Variants in SEMA3E observed in about 807,000 individuals in gnomAD.
SEMA3E encodes the protein semaphorin 3E.
A neutral mutation model predicts 93.6 loss-of-function variants in SEMA3E; 49 were observed. That is an observed-to-expected ratio of 0.52 (90% CI 0.42 to 0.66). The LOEUF (loss-of-function observed/expected upper bound fraction) is 0.66, where lower values mean the gene tolerates loss of function less well. SEMA3E is among the 30% of genes least tolerant of loss of function. The pLI is 0.00. For synonymous variants in SEMA3E, 363 were observed against 330.7 expected, an observed-to-expected ratio of 1.10 and a Z score of -1.06; for missense variants, 906 against 964.8, an observed-to-expected ratio of 0.94 and a Z score of 0.81.
intron 1 of SEMA3E, among the ~76,000 whole-genome samples, chr7:83,496,232 CAATGCA>C (rs1790489446): frequency 6.6e-6 from 1 of 151,828 alleles, no homozygotes; most frequent in Non-Finnish European, 1.5e-5. Flanking sequence ...AGCTTTGTTA[CAATGCA>C]CTGAGATTTC....
At chr7:83,398,551 C>A (rs1471924763) in intron 11 of SEMA3E, among the ~76,000 whole-genome samples, 12 of 152,154 alleles carry the variant, frequency 7.9e-5, no homozygotes, top group Admixed American at 3.9e-4. Flanking sequence ...ATATTATTAA[C>A]ATTAACTTCC....
At chr7:83,458,953 ATG>A (rs1554328012) in intron 4 of SEMA3E, among the ~76,000 whole-genome samples, 5,379 of 143,824 alleles carry the variant, frequency 0.037, 255 homozygotes, top group African/African-American at 0.11. Context: ...ACATATGTAT[ATG>A]TGTGTGTGTG....
chr7:83,490,309 G>A (rs777235089), intron 1 of SEMA3E, 35 bp from the exon 2 acceptor site: 153 of 1,601,782 alleles, frequency 9.6e-5, no homozygotes, highest in Non-Finnish European at 1.2e-4. Context: ...CTAAGCACAC[G>A]AGAAAATGTA....
At chr7:83,388,526 C>T (rs1210677368) in intron 14 of SEMA3E, among the ~76,000 whole-genome samples, 1 of 151,650 alleles carries the variant, frequency 6.6e-6, no homozygotes, top group Non-Finnish European at 1.5e-5. Context: ...GTAGAAAATA[C>T]CACTTGCTTC....
intron 4 of SEMA3E, among the ~76,000 whole-genome samples, chr7:83,447,546 A>G (rs768604520): frequency 1.2e-4 from 19 of 152,186 alleles, no homozygotes; most frequent in Non-Finnish European, 2.2e-4. Context: ...TCAAACAACA[A>G]CAACTACAAA....
chr7:83,604,801 T>C (rs994862059), intron 1 of SEMA3E, among the ~76,000 whole-genome samples: 1 of 151,984 alleles, frequency 6.6e-6, no homozygotes, highest in Non-Finnish European at 1.5e-5. Context: ...CACCCGCTGA[T>C]AGGCCCTGGT....
At chr7:83,378,951 G>A (rs1038299165) in intron 16 of SEMA3E, among the ~76,000 whole-genome samples, 1 of 151,766 alleles carries the variant, frequency 6.6e-6, no homozygotes, top group African/African-American at 2.4e-5. Flanking sequence ...CCATTCATAT[G>A]TTTATCACAG....
intron 1 of SEMA3E, among the ~76,000 whole-genome samples, chr7:83,605,384 G>A (rs2115997858): frequency 6.6e-6 from 1 of 151,072 alleles, no homozygotes; most frequent in South Asian, 2.1e-4. Flanking sequence ...AATGACCAGT[G>A]ATGCTGAGCT....
chr7:83,641,796 C>T (rs1280982327), intron 1 of SEMA3E, among the ~76,000 whole-genome samples: 1 of 152,128 alleles, frequency 6.6e-6, no homozygotes, highest in Admixed American at 6.6e-5. Context: ...AAGAGAACAG[C>T]ATAGATTAAT....
chr7:83,395,985 T>C (rs1562761872), intron 12 of SEMA3E, among the ~76,000 whole-genome samples: 1 of 152,082 alleles, frequency 6.6e-6, no homozygotes, highest in Non-Finnish European at 1.5e-5. Flanking sequence ...CAGTATTCAC[T>C]AGTTCAGTGT....
rs3801478 is a variant in SEMA3E, at chr7:83,385,622, C to G, written c.1736-189G>C. ...AAAATTTAGGCATGAAACAAGCAAG[C>G]AGGCTATGGGGTGGGACAGAAGTAG... is the stretch of plus-strand genomic sequence containing the variant. On this transcript the variant is annotated intron_variant, in intron 15 of 16. Coordinates refer to ENST00000643230, the MANE Select transcript of SEMA3E (RefSeq NM_012431.3). Among the ~76,000 whole-genome samples, 23,844 of 151,954 alleles carry G rather than the reference C, an allele frequency of 0.16. 2,088 individuals are homozygous for G. The highest frequency in any genetic ancestry group is 0.24 in the African/African-American group (9,895 of 41,440).
intron 1 of SEMA3E, among the ~76,000 whole-genome samples, chr7:83,537,398 C>T (rs1791428641): frequency 6.6e-6 from 1 of 152,174 alleles, no homozygotes; most frequent in Non-Finnish European, 1.5e-5. Context: ...CTTGGGAAAT[C>T]CCCGCTCCCT....
chr7:83,636,017 T>C (rs984469309), intron 1 of SEMA3E, among the ~76,000 whole-genome samples: 4 of 152,134 alleles, frequency 2.6e-5, no homozygotes, highest in African/African-American at 9.7e-5. Flanking sequence ...TCATTCTTTT[T>C]CTCTGTTTCT....
At chr7:83,487,718 T>TGTGTGTGTGTG (rs1554331945) in intron 2 of SEMA3E, among the ~76,000 whole-genome samples, 1 of 149,232 alleles carries the variant, frequency 6.7e-6, no homozygotes, top group East Asian at 2.0e-4. Flanking sequence ...TGTGTGTGTA[T>TGTGTGTGTGTG]TTTATATATA....
At position 83,562,056 on chromosome 7, in the gene SEMA3E, C is replaced by T. The variant is rs115060412; in HGVS notation, c.116-71782G>A. Among the ~76,000 whole-genome samples, 728 of 152,194 alleles carry T rather than the reference C, an allele frequency of 4.8e-3. 6 individuals are homozygous for T. The highest frequency in any genetic ancestry group is 0.015 in the African/African-American group (629 of 41,540). Reference sequence around the variant, plus strand: ...TAAAATACAATGCCAAAAGATAACCCAGCATATTCATAAGTCTGACATTTT... The same window carrying T: ...TAAAATACAATGCCAAAAGATAACCTAGCATATTCATAAGTCTGACATTTT... On this transcript the variant is annotated intron_variant, in intron 1 of 16. Coordinates refer to ENST00000643230, the MANE Select transcript of SEMA3E (RefSeq NM_012431.3).
At chr7:83,433,119 T>C (rs950439831) in intron 4 of SEMA3E, among the ~76,000 whole-genome samples, 4 of 152,134 alleles carry the variant, frequency 2.6e-5, no homozygotes, top group African/African-American at 9.7e-5. Flanking sequence ...AAGACAACTC[T>C]GTAAAGGGGC....
At chr7:83,506,828 A>G (rs1343240277) in intron 1 of SEMA3E, among the ~76,000 whole-genome samples, 1 of 152,218 alleles carries the variant, frequency 6.6e-6, no homozygotes, top group African/African-American at 2.4e-5. Context: ...AAAACTTGGA[A>G]GACACTTTTA....
At chr7:83,557,020 A>G (rs529807627) in intron 1 of SEMA3E, among the ~76,000 whole-genome samples, 8 of 152,270 alleles carry the variant, frequency 5.3e-5, no homozygotes, top group African/African-American at 1.9e-4. Context: ...CTAAGAAACA[A>G]ATTCATGTTC....
At chr7:83,446,330 G>A (rs1034608067) in intron 4 of SEMA3E, among the ~76,000 whole-genome samples, 1 of 152,168 alleles carries the variant, frequency 6.6e-6, no homozygotes, top group Non-Finnish European at 1.5e-5. Flanking sequence ...TCTTACAATT[G>A]TCTCTAATGA....
Sources: gnomAD v4.1 joint callset for allele counts (sites outside exome capture counted in the v4.1 genomes callset) on GRCh38, gnomAD v4.1.1 for gene constraint, MANE v1.5 for transcripts, NCBI Gene and HGNC (gene_info 2026-07-23, HGNC 2026-07-21) for gene names.